CFAP299: variants seen among roughly 807,000 people sequenced by gnomAD.
The protein encoded by CFAP299 is cilia and flagella associated protein 299, also known as cilia- and flagella-associated protein 299.
In CFAP299, 21 loss-of-function variants were observed where a neutral mutation model predicts 27.0. The ratio of observed to expected loss-of-function variants is 0.78; its 90% CI spans 0.55 to 1.12. The LOEUF (loss-of-function observed/expected upper bound fraction) is 1.12. Ranked by LOEUF, CFAP299 falls within the 50% of genes most tolerant of loss-of-function variation. The probability of loss-of-function intolerance (pLI) is 0.00; values close to 1 mark genes in which losing one functional copy is unlikely to be tolerated. For missense variants in CFAP299, 310 were observed against 276.6 expected (o/e 1.12, Z -0.86); for synonymous variants, 104 against 98.1 (o/e 1.06, Z -0.36).
intron 2 of CFAP299, among the ~76,000 whole-genome samples, chr4:80,581,456 A>ATATATATATATATATG (rs1736165092): frequency 5.0e-5 from 1 of 19,942 alleles, no homozygotes; most frequent in Non-Finnish European, 2.3e-4. Context: ...TAAGTGAGAT[A>ATATATATATATATATG]TATATATATA....
At chr4:80,890,684 A>C (rs1051332985) in intron 4 of CFAP299, among the ~76,000 whole-genome samples, 5 of 150,524 alleles carry the variant, frequency 3.3e-5, no homozygotes, top group Admixed American at 2.6e-4. Flanking sequence ...CCAACAGTGT[A>C]AAAGTGTTCC....
chr4:80,449,809 CCTT>C (rs1410637639), intron 2 of CFAP299, among the ~76,000 whole-genome samples: 3 of 151,678 alleles, frequency 2.0e-5, no homozygotes, highest in Non-Finnish European at 4.4e-5. Flanking sequence ...TCCATAATCT[CCTT>C]AAGTACTTTA....
chr4:80,467,188 G>A (rs1235738876), intron 2 of CFAP299, among the ~76,000 whole-genome samples: 1 of 152,178 alleles, frequency 6.6e-6, no homozygotes. Context: ...TTGTCTGCTA[G>A]CAGCTTGAAA....
At chr4:80,450,543 G>C (rs1728848324) in intron 2 of CFAP299, among the ~76,000 whole-genome samples, 1 of 151,846 alleles carries the variant, frequency 6.6e-6, no homozygotes, top group Admixed American at 6.6e-5. Context: ...GAAATACTAG[G>C]GAAATATTAA....
At chr4:80,856,283 A>G (rs1247878729) in intron 3 of CFAP299, among the ~76,000 whole-genome samples, 2 of 145,092 alleles carry the variant, frequency 1.4e-5, no homozygotes, top group East Asian at 3.9e-4. Flanking sequence ...GTTTGAGTTC[A>G]GTGTAGATTC....
chr4:80,416,014 A>G (rs1156843133), intron 2 of CFAP299, among the ~76,000 whole-genome samples: 2 of 152,232 alleles, frequency 1.3e-5, no homozygotes, highest in Admixed American at 1.3e-4. Flanking sequence ...TAAAGCGGGC[A>G]TAATTTCTGC....
At chr4:80,400,198 T>C (rs1045944068) in intron 2 of CFAP299, among the ~76,000 whole-genome samples, 1 of 152,196 alleles carries the variant, frequency 6.6e-6, no homozygotes, top group African/African-American at 2.4e-5. Context: ...GTGTATTTTG[T>C]ATATGATATA....
At chr4:80,332,613 G>A (rs1351820241), upstream of CFAP299, among the ~76,000 whole-genome samples, 17 of 152,032 alleles carry the variant, frequency 1.1e-4, no homozygotes, top group Admixed American at 1.1e-3. Context: ...ACTTCTTTTG[G>A]GTATAAGAGT....
At chr4:80,637,674 G>C (rs1739516661) in intron 3 of CFAP299, among the ~76,000 whole-genome samples, 1 of 152,164 alleles carries the variant, frequency 6.6e-6, no homozygotes, top group Non-Finnish European at 1.5e-5. Context: ...ATGCAAACAT[G>C]TAAGGTAGTC....
At chr4:80,653,258 G>A (rs551654570) in intron 3 of CFAP299, among the ~76,000 whole-genome samples, 7 of 152,124 alleles carry the variant, frequency 4.6e-5, no homozygotes, top group African/African-American at 1.4e-4. Flanking sequence ...TTCAGGTAAG[G>A]CACACAGGAG....
At chr4:80,384,159 C>G (rs1458838692) in intron 2 of CFAP299, among the ~76,000 whole-genome samples, 1 of 152,042 alleles carries the variant, frequency 6.6e-6, no homozygotes, top group Non-Finnish European at 1.5e-5. Context: ...TCCTCCTGCC[C>G]CTACAAACGC....
chr4:80,473,978 A>C (rs1730147269), intron 2 of CFAP299, among the ~76,000 whole-genome samples: 1 of 152,326 alleles, frequency 6.6e-6, no homozygotes, highest in Non-Finnish European at 1.5e-5. Context: ...GGGTATTTAA[A>C]ATATATTTTG....
chr4:80,513,269 A>T (rs963436201), intron 2 of CFAP299, among the ~76,000 whole-genome samples: 1 of 152,178 alleles, frequency 6.6e-6, no homozygotes, highest in Non-Finnish European at 1.5e-5. Flanking sequence ...GAAACATTTT[A>T]GGCAGCAGCT....
rs376240739 is a variant in CFAP299 at position 80,722,826 on chromosome 4, G to C, written c.333+139643G>C. 9.4e-3 allele frequency among the ~76,000 whole-genome samples: 1,427 copies of C among 151,640 alleles called. 18 individuals carry two copies. Among genetic ancestry groups the C allele is most frequent in the South Asian group, 0.062 (299 of 4,792 alleles). ...GAGGCAGGAGAATGGCGTGAACCCC[G>C]GGGGGCAGAGCCTGCAGTGAGCCGA... On this transcript the variant is annotated intron_variant, in intron 3 of 5. Transcript: ENST00000358105.
chr4:80,578,776 A>C (rs17004948), intron 2 of CFAP299, among the ~76,000 whole-genome samples: 6,447 of 152,258 alleles, frequency 0.042, 419 homozygotes, highest in African/African-American at 0.14. Context: ...GGAATTAAAG[A>C]TTGATATTCC....
chr4:80,631,388 G>A (rs1204573077), intron 3 of CFAP299, among the ~76,000 whole-genome samples: 2 of 151,994 alleles, frequency 1.3e-5, no homozygotes, highest in East Asian at 1.9e-4. Context: ...TAAACATCAA[G>A]TGCAAATTAT....
At chr4:80,685,821 G>A (rs1014469407) in intron 3 of CFAP299, among the ~76,000 whole-genome samples, 14 of 151,914 alleles carry the variant, frequency 9.2e-5, no homozygotes, top group Non-Finnish European at 1.9e-4. Flanking sequence ...CTTTTTGAAG[G>A]TCCCCATGGA....
chr4:80,798,579 T>C (rs981045004), intron 3 of CFAP299, among the ~76,000 whole-genome samples: 5 of 152,040 alleles, frequency 3.3e-5, no homozygotes, highest in African/African-American at 4.8e-5. Flanking sequence ...TGATTAGAGC[T>C]TGTGTCTTTT....
intron 3 of CFAP299, among the ~76,000 whole-genome samples, chr4:80,625,266 GGTGTGTCTGT>G (rs1302278916): frequency 2.6e-5 from 4 of 151,772 alleles, no homozygotes; most frequent in African/African-American, 9.7e-5. Context: ...AAAAGTAGAT[GGTGTGTCTGT>G]GTGTGTATGT....
Sources: allele counts gnomAD v4.1 joint callset (sites outside exome capture counted in the v4.1 genomes callset), GRCh38; gene constraint gnomAD v4.1.1; transcripts MANE v1.5; gene names NCBI Gene and HGNC (gene_info 2026-07-23, HGNC 2026-07-21).